Variants in FAM81B observed in about 807,000 individuals in gnomAD.
FAM81B encodes family with sequence similarity 81 member B.
FAM81B carries 60 observed loss-of-function variants against 58.7 expected under a neutral mutation model. The ratio of observed to expected loss-of-function variants is 1.02; its 90% confidence interval spans 0.83 to 1.27. The LOEUF is 1.27. Ranked by LOEUF, FAM81B falls within the 50% of genes most tolerant of loss-of-function variation. FAM81B has a pLI of 0.00. For synonymous variants in FAM81B, 189 were observed against 179.6 expected (o/e 1.05, Z -0.42); for missense variants, 491 against 522.0 (o/e 0.94, Z 0.58).
At chr5:95,393,271 C>T (rs1195027865) in intron 2 of FAM81B, among the ~76,000 whole-genome samples, 2 of 152,134 alleles carry the variant, frequency 1.3e-5, no homozygotes, top group Non-Finnish European at 2.9e-5. Flanking sequence ...GTATCTTCTC[C>T]GTTAAAAAGA....
intron 5 of FAM81B, among the ~76,000 whole-genome samples, chr5:95,422,307 T>A (rs1055415402): frequency 6.7e-6 from 1 of 149,268 alleles, no homozygotes. Flanking sequence ...TATATTAATA[T>A]ATAAATAAAT....
intron 5 of FAM81B, among the ~76,000 whole-genome samples, chr5:95,426,818 G>A (rs1179137030): frequency 1.3e-5 from 2 of 152,180 alleles, no homozygotes; most frequent in African/African-American, 2.4e-5. Flanking sequence ...GGAGGCTGAG[G>A]CGGGCCGATC....
intron 7 of FAM81B, among the ~76,000 whole-genome samples, chr5:95,444,909 T>C (rs777769726): frequency 6.6e-6 from 1 of 152,186 alleles, no homozygotes; most frequent in South Asian, 2.1e-4. Flanking sequence ...CATTGTAAGA[T>C]GTTTAGCAGC....
At chr5:95,437,344 A>T (rs570973039) in intron 7 of FAM81B, among the ~76,000 whole-genome samples, 1 of 151,420 alleles carries the variant, frequency 6.6e-6, no homozygotes, top group Non-Finnish European at 1.5e-5. Context: ...TCATTATTTT[A>T]TTATTATTAT....
At chr5:95,396,917 G>A (rs1761980832) in intron 3 of FAM81B, 1 of 152,070 alleles carries the variant, frequency 6.6e-6, no homozygotes. Flanking sequence ...TTTTTCATTT[G>A]AAAAACAAAG....
intron 4 of FAM81B, among the ~76,000 whole-genome samples, chr5:95,414,829 G>T (rs2152763744): frequency 6.6e-6 from 1 of 152,220 alleles, no homozygotes; most frequent in Middle Eastern, 3.4e-3. Flanking sequence ...TACCCACATG[G>T]TTTCAATCTC....
In FAM81B at chr5:95,396,295, T is replaced by A. The variant is rs981727573; in HGVS notation, c.293+120T>A. The A allele has an allele frequency of 1.8e-5, 13 of 707,084 alleles. No homozygotes were observed. The Admixed American group carries it at 4.1e-4, about 22-fold the overall frequency. 43.8% of individuals were successfully genotyped at this position (707,084 alleles called of 1,614,324 possible). A position where few individuals can be genotyped will look rare whatever the true frequency, so the allele number is the denominator to read the frequency against. On this transcript the variant is annotated intron_variant, in intron 3 of 9. Transcript: ENST00000283357. ...TCAGTCAGAGATGAATGTACCTGAATGAAACCTTTAAGTTCTCTGCATTCA... is the reference window on the plus strand; with the variant it reads ...TCAGTCAGAGATGAATGTACCTGAAAGAAACCTTTAAGTTCTCTGCATTCA...
chr5:95,402,385 C>T (rs981929899), intron 3 of FAM81B, among the ~76,000 whole-genome samples: 2 of 152,142 alleles, frequency 1.3e-5, no homozygotes, highest in Non-Finnish European at 2.9e-5. Flanking sequence ...TTTGGTGCTT[C>T]ATTAAACCTT....
At chr5:95,436,257 C>T (rs948438408) in intron 6 of FAM81B, among the ~76,000 whole-genome samples, 2 of 152,130 alleles carry the variant, frequency 1.3e-5, no homozygotes, top group Non-Finnish European at 2.9e-5. Context: ...AGTCATTTCA[C>T]TTGGGATTCA....
intron 3 of FAM81B, among the ~76,000 whole-genome samples, chr5:95,407,551 T>A (rs1582792297): frequency 6.6e-6 from 1 of 152,328 alleles, no homozygotes; most frequent in Non-Finnish European, 1.5e-5. Flanking sequence ...CATTTCAGAC[T>A]GTTCAAGGGG....
intron 6 of FAM81B, among the ~76,000 whole-genome samples, chr5:95,435,738 G>A (rs963278771): frequency 6.6e-5 from 10 of 152,002 alleles, no homozygotes; most frequent in Admixed American, 6.6e-4. Context: ...TTTTAAATGT[G>A]TTTTGCTTTA....
intron 9 of FAM81B, among the ~76,000 whole-genome samples, 197 bp from the exon 10 acceptor site, chr5:95,449,952 G>A (rs1310443781): frequency 7.2e-5 from 11 of 152,162 alleles, no homozygotes; most frequent in Non-Finnish European, 1.6e-4. Context: ...CTAGATATAA[G>A]TTGAAACACT....
chr5:95,416,188 G>A (rs565175009), intron 4 of FAM81B, among the ~76,000 whole-genome samples: 1 of 152,270 alleles, frequency 6.6e-6, no homozygotes, highest in South Asian at 2.1e-4. Flanking sequence ...ATAACTATAT[G>A]CACTTTATAG....
At position 95,391,408 on chromosome 5, in the gene FAM81B, G is replaced by T; in HGVS notation, c.19G>T (p.Gly7Cys). 1 of 1,613,066 alleles carries T rather than the reference G, an allele frequency of 6.2e-7. No homozygotes were observed. Among genetic ancestry groups the T allele is most frequent in the Non-Finnish European group, 8.5e-7 (1 of 1,179,532 alleles). ...AGTTAGGATGCAATTACAATTCCTT[G>T]GTACATTGGCTTCCTCAGAAAAAAG... MQLQFL[G>C]TLASSEKRKK... is the part of the protein sequence containing the mutation. Residue 7 changes from glycine to cysteine, a missense_variant, in exon 1 of 10, where the codon GGT becomes TGT. Physicochemically the swap from Gly to Cys is radical, Grantham distance 159. Coordinates refer to ENST00000283357, the MANE Select transcript of FAM81B (RefSeq NM_152548.3).
intron 6 of FAM81B, among the ~76,000 whole-genome samples, chr5:95,430,168 T>A (rs1226801230): frequency 6.6e-6 from 1 of 152,098 alleles, no homozygotes; most frequent in African/African-American, 2.4e-5. Flanking sequence ...TTTTTAAAGA[T>A]AATGCATACA....
At chr5:95,407,264 A>G (rs1582791654) in intron 3 of FAM81B, among the ~76,000 whole-genome samples, 1 of 8,144 alleles carries the variant, frequency 1.2e-4, no homozygotes. Context: ...TCTCTTTTAC[A>G]CACACACACA....
At chr5:95,397,124 T>A (rs1761984703) in intron 3 of FAM81B, 1 of 152,196 alleles carries the variant, frequency 6.6e-6, no homozygotes, top group Non-Finnish European at 1.5e-5. Flanking sequence ...TTTACTGCAT[T>A]TTTTTCACAA....
At chr5:95,423,371 C>G (rs6870153) in intron 5 of FAM81B, among the ~76,000 whole-genome samples, 32,122 of 151,530 alleles carry the variant, frequency 0.21, 3,521 homozygotes, top group African/African-American at 0.26. Context: ...CGTGGGTCAT[C>G]AGAGAGAGAG....
chr5:95,403,946 G>T (rs1762178297), intron 3 of FAM81B, among the ~76,000 whole-genome samples: 1 of 152,166 alleles, frequency 6.6e-6, no homozygotes, highest in African/African-American at 2.4e-5. Flanking sequence ...TCAGGCAGAA[G>T]TTGGGGGTGG....
Sources: allele counts gnomAD v4.1 joint callset (sites outside exome capture counted in the v4.1 genomes callset), GRCh38; gene constraint gnomAD v4.1.1; transcripts MANE v1.5; gene names NCBI Gene and HGNC (gene_info 2026-07-23, HGNC 2026-07-21).